GFRA1: variants seen among roughly 807,000 people sequenced by gnomAD.
GFRA1 encodes the protein GDNF family receptor alpha 1, also known as GDNF family receptor alpha-1.
A neutral mutation model predicts 51.6 loss-of-function variants in GFRA1; 16 were observed. That is an observed-to-expected ratio of 0.31 (90% CI 0.21 to 0.47). The LOEUF (loss-of-function observed/expected upper bound fraction) is 0.47, where lower values mean the gene tolerates loss of function less well. GFRA1 is among the 20% of genes least tolerant of loss of function. The pLI, the probability that GFRA1 is intolerant of heterozygous loss-of-function variation, is 1.00. For synonymous variants in GFRA1, 270 were observed against 241.3 expected (o/e 1.12, Z -1.10); for missense variants, 530 against 594.3 (o/e 0.89, Z 1.13).
At chr10:116,126,799 C>T (rs1341893693) in intron 5 of GFRA1, among the ~76,000 whole-genome samples, 1 of 152,022 alleles carries the variant, frequency 6.6e-6, no homozygotes, top group Non-Finnish European at 1.5e-5. Flanking sequence ...TAGGAAATGA[C>T]AAAAGGCTAA....
intron 4 of GFRA1, among the ~76,000 whole-genome samples, chr10:116,252,683 G>C (rs1968485786): frequency 6.6e-6 from 1 of 152,154 alleles, no homozygotes. Flanking sequence ...GCCCTTCCCA[G>C]GTGCAGTGCA....
intron 4 of GFRA1, among the ~76,000 whole-genome samples, chr10:116,244,485 A>G (rs953976014): frequency 2.7e-5 from 4 of 147,580 alleles, no homozygotes; most frequent in African/African-American, 9.8e-5. Flanking sequence ...AAATTTTAAT[A>G]ACAATTTAAT....
At chr10:116,236,934 A>C (rs1966911693) in intron 4 of GFRA1, among the ~76,000 whole-genome samples, 1 of 152,248 alleles carries the variant, frequency 6.6e-6, no homozygotes, top group Non-Finnish European at 1.5e-5. Flanking sequence ...CTTATTTTTG[A>C]GCCAGGCCTT....
chr10:116,235,724 C>T lies in GFRA1; in HGVS notation c.419-24079G>A, dbSNP rs760420448. On this transcript the variant is annotated intron_variant, in intron 4 of 10. Coordinates refer to ENST00000355422, the MANE Select transcript of GFRA1 (RefSeq NM_005264.8). Reference sequence around the variant, plus strand: ...GATGGTATTTGGAAGTGGAGCCTTTCGGCAGTAATTAGAGTTAGATGGGGT... The same window carrying T: ...GATGGTATTTGGAAGTGGAGCCTTTTGGCAGTAATTAGAGTTAGATGGGGT... 6.1e-4 allele frequency among the ~76,000 whole-genome samples: 93 copies of T among 152,082 alleles called. 1 individual carries two copies. The highest frequency in any genetic ancestry group is 1.8e-3 in the Admixed American group (27 of 15,272).
intron 9 of GFRA1, among the ~76,000 whole-genome samples, chr10:116,076,132 G>C (rs1955610430): frequency 6.6e-6 from 1 of 152,120 alleles, no homozygotes; most frequent in African/African-American, 2.4e-5. Context: ...GAATCACTAA[G>C]TGCTGTCCAC....
intron 6 of GFRA1, among the ~76,000 whole-genome samples, chr10:116,115,953 T>C (rs564181609): frequency 2.2e-4 from 33 of 152,270 alleles, no homozygotes; most frequent in African/African-American, 6.7e-4. Flanking sequence ...CTCAGCCACC[T>C]GCAGTTGAAC....
At chr10:116,203,828 G>A (rs748221134) in intron 5 of GFRA1, among the ~76,000 whole-genome samples, 5 of 152,342 alleles carry the variant, frequency 3.3e-5, no homozygotes, top group Non-Finnish European at 7.3e-5. Flanking sequence ...CTGGAGTATT[G>A]TAAACAGTTC....
intron 4 of GFRA1, among the ~76,000 whole-genome samples, chr10:116,243,558 GT>G (rs35824577): frequency 7.4e-5 from 11 of 148,656 alleles, no homozygotes; most frequent in African/African-American, 2.7e-4. Flanking sequence ...AAAGGGTTTG[GT>G]TTTTTTTTTA....
chr10:116,176,211 G>A (rs776025887), intron 5 of GFRA1, among the ~76,000 whole-genome samples: 2 of 152,178 alleles, frequency 1.3e-5, no homozygotes, highest in Non-Finnish European at 1.5e-5. Context: ...TCTGAAAAAA[G>A]TATGTGACAT....
rs191322330 is a variant in GFRA1 at position 116,138,178 on chromosome 10, G to A, written c.434-12621C>T. Among the ~76,000 whole-genome samples, 74 of 152,126 alleles carry A rather than the reference G, an allele frequency of 4.9e-4. 1 individual carries two copies. Among genetic ancestry groups the A allele is most frequent in the African/African-American group, 1.7e-3 (72 of 41,486 alleles). ...CCATTGGGTTAATAAAACTTTGCTT[G>A]GTTAAGGGCTTTTTGGTCACCTACT... is the stretch of plus-strand genomic sequence containing the variant. On this transcript the variant is annotated intron_variant, in intron 5 of 10. Coordinates refer to ENST00000355422, the MANE Select transcript of GFRA1 (RefSeq NM_005264.8).
intron 5 of GFRA1, among the ~76,000 whole-genome samples, chr10:116,132,879 C>G (rs887159501): frequency 1.3e-5 from 2 of 152,174 alleles, no homozygotes; most frequent in African/African-American, 2.4e-5. Flanking sequence ...CACGGAGGAT[C>G]AGGAGCCCGC....
chr10:116,072,705 G>T (rs1488843609), intron 9 of GFRA1, among the ~76,000 whole-genome samples: 1 of 152,152 alleles, frequency 6.6e-6, no homozygotes, highest in Non-Finnish European at 1.5e-5. Context: ...AGGTTGCAGT[G>T]AGTTGAGATC....
At position 116,059,433 on chromosome 10, in the gene GFRA1, G is replaced by A. The variant is rs1954694687; in HGVS notation, c.*4965C>T. On this transcript the variant is annotated 3_prime_UTR_variant, in exon 11 of 11. Transcript: ENST00000355422. ...CGGTGCTGGGCTTGGCAGCTGCCCTGGAGCAAAAATTAACTCCCCATGGCA... is the reference window on the plus strand; with the variant it reads ...CGGTGCTGGGCTTGGCAGCTGCCCTAGAGCAAAAATTAACTCCCCATGGCA... 6.6e-6 allele frequency: 1 copy of A among 152,238 alleles called. No homozygotes were observed. Among genetic ancestry groups the A allele is most frequent in the African/African-American group, 2.4e-5 (1 of 41,458 alleles). The allele number at this position is 152,238 out of a possible 1,614,324, so 9.4% of individuals were successfully genotyped here.
intron 4 of GFRA1, among the ~76,000 whole-genome samples, chr10:116,249,730 A>G (rs1394523159): frequency 6.6e-6 from 1 of 152,134 alleles, no homozygotes; most frequent in East Asian, 1.9e-4. Flanking sequence ...CATTCATTCA[A>G]CAAATATCTA....
At position 116,062,841 on chromosome 10, in the gene GFRA1, G is replaced by A. The variant is rs934887002; in HGVS notation, c.*1557C>T. The A allele has an allele frequency of 6.6e-6, 1 of 152,204 alleles. No homozygotes were observed. The highest frequency in any genetic ancestry group is 2.4e-5 in the African/African-American group (1 of 41,458). 9.4% of individuals were successfully genotyped at this position (152,204 alleles called of 1,614,324 possible). ...AGAGAATAATGGAAGATGATAAGTG[G>A]TTAGCAAAGCCAGATGCCTTATCAC... is the stretch of plus-strand genomic sequence containing the variant. On this transcript the variant is annotated 3_prime_UTR_variant, in exon 11 of 11. Coordinates refer to ENST00000355422, the MANE Select transcript of GFRA1 (RefSeq NM_005264.8).
intron 4 of GFRA1, among the ~76,000 whole-genome samples, chr10:116,223,463 C>T (rs1966067566): frequency 1.3e-5 from 2 of 152,226 alleles, no homozygotes; most frequent in African/African-American, 4.8e-5. Flanking sequence ...TTTCTAGAGT[C>T]ACCCACTTAC....
At chr10:116,091,776 C>T (rs1435284807) in intron 8 of GFRA1, among the ~76,000 whole-genome samples, 1 of 152,188 alleles carries the variant, frequency 6.6e-6, no homozygotes, top group Non-Finnish European at 1.5e-5. Flanking sequence ...GGCCCTGTGT[C>T]TTTGGGGCTC....
At chr10:116,207,029 AT>A (rs1964831627) in intron 5 of GFRA1, among the ~76,000 whole-genome samples, 1 of 152,230 alleles carries the variant, frequency 6.6e-6, no homozygotes, top group Non-Finnish European at 1.5e-5. Flanking sequence ...CACAAGGGAT[AT>A]TACTGTACTT....
chr10:116,092,064 G>T (rs1956362544), intron 8 of GFRA1, among the ~76,000 whole-genome samples: 1 of 145,576 alleles, frequency 6.9e-6, no homozygotes, highest in African/African-American at 2.5e-5. Flanking sequence ...CTGCCAGATG[G>T]ATGTGAAAAA....
Sources: allele counts gnomAD v4.1 joint callset (sites outside exome capture counted in the v4.1 genomes callset), GRCh38; gene constraint gnomAD v4.1.1; transcripts MANE v1.5; gene names NCBI Gene and HGNC (gene_info 2026-07-23, HGNC 2026-07-21).